ADGRL1: variants seen among roughly 807,000 people sequenced by gnomAD.
The protein encoded by ADGRL1 is CIRL-1.
A neutral mutation model predicts 148.9 loss-of-function variants in ADGRL1; 31 were observed. That is an observed-to-expected ratio of 0.21 (90% CI 0.16 to 0.28). The LOEUF is 0.28. ADGRL1 is among the 10% of genes least tolerant of loss of function. The probability of loss-of-function intolerance (pLI) is 1.00; values close to 1 mark genes in which losing one functional copy is unlikely to be tolerated. For synonymous variants in ADGRL1, 937 were observed against 900.3 expected, an observed-to-expected ratio of 1.04 and a Z score of -0.73; for missense variants, 1,521 against 2,058.8, an observed-to-expected ratio of 0.74 and a Z score of 5.05.
At position 14,151,181 on chromosome 19, in the gene ADGRL1, G is replaced by A. The variant is rs748414120; in HGVS notation, c.4102C>T (p.Arg1368Trp). Residue 1368 changes from arginine to tryptophan, a missense_variant, in exon 23 of 23, where the codon CGG becomes TGG. Arg to Trp is a moderately radical substitution (Grantham distance 101, BLOSUM62 -3). Coordinates refer to ENST00000361434, the MANE Select transcript of ADGRL1 (RefSeq NM_014921.5). ...SCTAEDGATS[R>W]PLSSPPGRDS... ...CGGCCAGGAGGGGAGGAGAGGGGCC[G>A]GCTGGTGGCGCCGTCCTCGGCCGTG... 1.2e-5 allele frequency: 19 copies of A among 1,610,204 alleles called. No homozygotes were observed. Among genetic ancestry groups the A allele is most frequent in the Middle Eastern group, 1.8e-4 (1 of 5,714 alleles).
Position 14,162,555 on chromosome 19 carries a change from G to T in ADGRL1, c.1195+51C>A. 6.6e-7 allele frequency: 1 copy of T among 1,524,050 alleles called. No individual in the cohort carries two copies. Among genetic ancestry groups the T allele is most frequent in the South Asian group, 1.2e-5 (1 of 81,056 alleles). The allele number at this position is 1,524,050 out of a possible 1,614,324, so 94.4% of individuals were successfully genotyped here. On this transcript the variant is annotated intron_variant, in intron 5 of 22. Coordinates refer to ENST00000361434, the MANE Select transcript of ADGRL1 (RefSeq NM_014921.5). This position sits in a 1 kb window ranked among gnomAD's most constrained non-coding sequence, Gnocchi z 5.4. ...CTGGGACCCAGGGGTGGGTGGGGGT[G>T]GAGGGGACAAAGGCAAGCAGGCTCC...
At chr19:14,186,883 T>C (rs1280819747) in intron 1 of ADGRL1, among the ~76,000 whole-genome samples, 4 of 152,066 alleles carry the variant, frequency 2.6e-5, no homozygotes, top group African/African-American at 4.8e-5. Flanking sequence ...AGCCGCAAGG[T>C]CACCCCAGCA....
At chr19:14,163,820 C>T (rs908682572) in intron 4 of ADGRL1, among the ~76,000 whole-genome samples, 1 of 152,112 alleles carries the variant, frequency 6.6e-6, no homozygotes, top group African/African-American at 2.4e-5. Flanking sequence ...AGAATCTCCC[C>T]GCTACAGTCA....
intron 1 of ADGRL1, among the ~76,000 whole-genome samples, chr19:14,185,967 T>C (rs1019878924): frequency 1.3e-5 from 2 of 152,352 alleles, no homozygotes; most frequent in African/African-American, 2.4e-5. Flanking sequence ...TCTGCTCAGA[T>C]AGAACTATTC....
At chr19:14,158,119 C>T (rs573925494) in intron 12 of ADGRL1, 67 bp from the exon 13 acceptor site, 15 of 1,521,620 alleles carry the variant, frequency 9.9e-6, no homozygotes, top group African/African-American at 1.4e-5. Context: ...TCCGACCCCC[C>T]ACACCTGGCA....
At chr19:14,191,781 A>G (rs1467503596) in intron 1 of ADGRL1, among the ~76,000 whole-genome samples, 1 of 150,060 alleles carries the variant, frequency 6.7e-6, no homozygotes, top group East Asian at 2.0e-4. Flanking sequence ...TTGCAGTCTC[A>G]ACCTCCCAGG....
At chr19:14,185,592 C>T (rs951450809) in intron 1 of ADGRL1, among the ~76,000 whole-genome samples, 1 of 152,166 alleles carries the variant, frequency 6.6e-6, no homozygotes, top group African/African-American at 2.4e-5. Flanking sequence ...CTGTGCTGGC[C>T]AGAAACACAC....
intron 1 of ADGRL1, among the ~76,000 whole-genome samples, chr19:14,197,131 G>C (rs1015592231): frequency 3.3e-5 from 5 of 151,984 alleles, no homozygotes; most frequent in Non-Finnish European, 7.4e-5. Flanking sequence ...AATTAGCCAG[G>C]CATGGTGGCA....
Position 14,162,804 on chromosome 19 carries a change from C to G in ADGRL1, c.997G>C (p.Glu333Gln). Residue 333 changes from glutamate (E) to glutamine (Q), a missense_variant, in exon 5 of 23, where the codon GAG becomes CAG. Physicochemically the swap from Glu to Gln is conservative, Grantham distance 29. Transcript: ENST00000361434. This position sits in a 1 kb window ranked among gnomAD's most constrained non-coding sequence, Gnocchi z 5.4. ...TAGTCCACGCGGTTGCCAGCCGCCT[C>G]GCTGTCATCATCCACGTACACGGAA... ...LRSVYVDDDS[E>Q]AAGNRVDYAF... The G allele has an allele frequency of 6.2e-7, 1 of 1,613,944 alleles. No homozygotes were observed. The highest frequency in any genetic ancestry group is 8.5e-7 in the Non-Finnish European group (1 of 1,179,984).
At chr19:14,181,656 G>T (rs1364757920) in intron 2 of ADGRL1, among the ~76,000 whole-genome samples, 2 of 151,182 alleles carry the variant, frequency 1.3e-5, no homozygotes, top group African/African-American at 4.9e-5. Context: ...GGAGGCAGAG[G>T]TTGCAGTGAG....
intron 1 of ADGRL1, chr19:14,191,458 T>A (rs1971935175): frequency 2.2e-6 from 1 of 456,440 alleles, no homozygotes; most frequent in Non-Finnish European, 4.4e-6. Context: ...GGGTGAAGCA[T>A]CCCTTGTCCC....
Position 14,151,164 on chromosome 19 carries a change from A to G in ADGRL1, c.4119T>C (p.Pro1373=). The G allele has an allele frequency of 1.2e-6, 2 of 1,608,024 alleles. No individual in the cohort carries two copies. The highest frequency in any genetic ancestry group is 1.7e-6 in the Non-Finnish European group (2 of 1,178,278). The change falls in exon 23 of 23, where the codon CCT becomes CCC. Residue 1373 remains proline, a synonymous_variant. Transcript: ENST00000361434. Reference sequence around the variant, plus strand: ...TGGCATAGAGGGAGTCCCGGCCAGGAGGGGAGGAGAGGGGCCGGCTGGTGG... The same window carrying G: ...TGGCATAGAGGGAGTCCCGGCCAGGGGGGGAGGAGAGGGGCCGGCTGGTGG... ...DGATSRPLSS[P]PGRDSLYASG...
chr19:14,191,834 T>C (rs1971962531), intron 1 of ADGRL1, among the ~76,000 whole-genome samples: 1 of 152,094 alleles, frequency 6.6e-6, no homozygotes, highest in Non-Finnish European at 1.5e-5. Context: ...TAGCTGGGGC[T>C]ACAGGTGCGT....
intron 12 of ADGRL1, 101 bp downstream of exon 12, chr19:14,158,237 T>A: frequency 7.5e-7 from 1 of 1,331,874 alleles, no homozygotes. Context: ...GAAGAACCCA[T>A]AACTTGTTCT....
In ADGRL1 at chr19:14,152,900, A is replaced by G; in HGVS notation, c.3307T>C (p.Tyr1103His). ...CALQKKVHKE[Y>H]SKCLRHSYCC... ...TAGGAGTGACGCAGGCACTTGCTGT[A>G]CTCCTTGTGCACCTGGGAGGTGGAG... Residue 1103 changes from tyrosine to histidine, a missense_variant, in exon 19 of 23, where the codon TAC becomes CAC. By Grantham distance (83) the Tyr-to-His change is moderately conservative. Transcript: ENST00000361434. The surrounding 1 kb of genome is among the most constrained non-coding windows in gnomAD (Gnocchi z 6.1). 1 of 1,613,702 alleles carries G rather than the reference A, an allele frequency of 6.2e-7. No homozygotes were observed. Among genetic ancestry groups the G allele is most frequent in the Non-Finnish European group, 8.5e-7 (1 of 1,179,890 alleles).
rs1182844326 is a variant in ADGRL1 at position 14,155,961 on chromosome 19, C to T, written c.3125+149G>A. 1 of 647,814 alleles carries T rather than the reference C, an allele frequency of 1.5e-6. No homozygotes were observed. Among genetic ancestry groups the T allele is most frequent in the Admixed American group, 2.3e-5 (1 of 43,392 alleles). 40.1% of individuals were successfully genotyped at this position (647,814 alleles called of 1,614,324 possible). ...ACCCATTAAGTAGGTACATAGTGAACACAATAGAACACCCCTGTTGGTACT... is the reference window on the plus strand; with the variant it reads ...ACCCATTAAGTAGGTACATAGTGAATACAATAGAACACCCCTGTTGGTACT... On this transcript the variant is annotated intron_variant, in intron 17 of 22. Coordinates refer to ENST00000361434, the MANE Select transcript of ADGRL1 (RefSeq NM_014921.5). This position sits in a 1 kb window ranked among gnomAD's most constrained non-coding sequence, Gnocchi z 5.0.
At chr19:14,188,685 C>T (rs928513747) in intron 1 of ADGRL1, among the ~76,000 whole-genome samples, 8 of 152,226 alleles carry the variant, frequency 5.3e-5, no homozygotes, top group Admixed American at 3.9e-4. Context: ...ATCTGCCCCT[C>T]TAGTCCTGGG....
In ADGRL1 at chr19:14,161,574, G is replaced by T; in HGVS notation, c.1248C>A (p.Pro416=). Residue 416 remains proline, a synonymous_variant, in exon 6 of 23, where the codon CCC becomes CCA. Coordinates refer to ENST00000361434, the MANE Select transcript of ADGRL1 (RefSeq NM_014921.5). The surrounding 1 kb of genome is among the most constrained non-coding windows in gnomAD (Gnocchi z 4.4). ...LSTTTTARPT[P]LTSTASPAAT... ...CTGCGGGCGAGGCTGTGCTGGTGAG[G>T]GGCGTGGGCCTGGCTGTGGTGGTCG... 6.9e-7 allele frequency: 1 copy of T among 1,451,384 alleles called. No individual in the cohort carries two copies. Among genetic ancestry groups the T allele is most frequent in the South Asian group, 1.5e-5 (1 of 67,330 alleles). The allele number at this position is 1,451,384 out of a possible 1,614,324, so 89.9% of individuals were successfully genotyped here. A position where few individuals can be genotyped will look rare whatever the true frequency, so the allele number is the denominator to read the frequency against.
chr19:14,156,333 C>T (rs963708513), intron 16 of ADGRL1, 132 bp from the exon 17 acceptor site: 1 of 712,664 alleles, frequency 1.4e-6, no homozygotes, highest in African/African-American at 1.7e-5. Context: ...CCGTACCTGC[C>T]CCTGAGGTGC....
Sources: gnomAD v4.1 joint callset for allele counts (sites outside exome capture counted in the v4.1 genomes callset) on GRCh38, gnomAD v4.1.1 for gene constraint, Gnocchi (gnomAD v3.1) non-coding constraint, MANE v1.5 for transcripts, NCBI Gene and HGNC (gene_info 2026-07-23, HGNC 2026-07-21) for gene names.